CTNND2: variants seen among roughly 807,000 people sequenced by gnomAD.
CTNND2 encodes catenin delta 2.
CTNND2 carries 22 observed loss-of-function variants against 144.4 expected under a neutral mutation model. The ratio of observed to expected loss-of-function variants is 0.15; its 90% CI spans 0.11 to 0.22. The LOEUF is 0.22. CTNND2 is among the 10% of genes least tolerant of loss of function. CTNND2 has a pLI of 1.00. For missense variants in CTNND2, 1,353 were observed against 1,618.8 expected (o/e 0.84, Z 2.82); for synonymous variants, 751 against 695.6 (o/e 1.08, Z -1.25).
intron 15 of CTNND2, among the ~76,000 whole-genome samples, chr5:11,083,449 A>G (rs767733026): frequency 1.3e-5 from 2 of 152,242 alleles, no homozygotes; most frequent in Admixed American, 6.5e-5. Flanking sequence ...GTTAAACTGT[A>G]TAATGTTCAG....
chr5:11,730,678 T>C (rs185141584), intron 2 of CTNND2, among the ~76,000 whole-genome samples: 28 of 152,362 alleles, frequency 1.8e-4, no homozygotes, highest in Admixed American at 1.8e-3. Flanking sequence ...GCCTAAATTT[T>C]ATATCCTAAT....
chr5:11,638,540 T>C (rs1270423803), intron 2 of CTNND2, among the ~76,000 whole-genome samples: 1 of 152,180 alleles, frequency 6.6e-6, no homozygotes, highest in Non-Finnish European at 1.5e-5. Context: ...CGCACAAAAG[T>C]TGCTAAGTGC....
chr5:11,003,939 A>G (rs998864415), intron 18 of CTNND2, among the ~76,000 whole-genome samples: 7 of 152,212 alleles, frequency 4.6e-5, no homozygotes, highest in Admixed American at 2.0e-4. Context: ...CTTGTGCAAC[A>G]CCATCTTTTA....
At chr5:11,898,055 G>T (rs1423470990) in intron 1 of CTNND2, among the ~76,000 whole-genome samples, 1 of 152,194 alleles carries the variant, frequency 6.6e-6, no homozygotes, top group Non-Finnish European at 1.5e-5. Flanking sequence ...CTCAGAAAAA[G>T]CTCTGTCCCT....
chr5:11,497,251 G>T (rs929291347), intron 3 of CTNND2, among the ~76,000 whole-genome samples: 7 of 151,388 alleles, frequency 4.6e-5, no homozygotes, highest in South Asian at 2.1e-4. Context: ...ACCATACCAG[G>T]TATTTCCAAT....
intron 2 of CTNND2, among the ~76,000 whole-genome samples, chr5:11,662,165 ATGTG>A (rs1421935681): frequency 6.9e-6 from 1 of 145,476 alleles, no homozygotes; most frequent in Non-Finnish European, 1.5e-5. Context: ...ATGTGTATAT[ATGTG>A]TATATATACA....
intron 16 of CTNND2, among the ~76,000 whole-genome samples, chr5:11,053,601 T>C (rs560195660): frequency 6.6e-6 from 1 of 152,358 alleles, no homozygotes; most frequent in African/African-American, 2.4e-5. Flanking sequence ...TCATGGAAGA[T>C]ATATGTGCAT....
intron 14 of CTNND2, among the ~76,000 whole-genome samples, chr5:11,099,131 T>C (rs1751636835): frequency 6.6e-6 from 1 of 152,234 alleles, no homozygotes; most frequent in Non-Finnish European, 1.5e-5. Context: ...ATAGTAAGCA[T>C]ACTACCAGTG....
chr5:11,791,670 A>G (rs1386012487), intron 1 of CTNND2, among the ~76,000 whole-genome samples: 1 of 152,200 alleles, frequency 6.6e-6, no homozygotes. Context: ...TTAATCTCCA[A>G]TGTAATTTTG....
intron 2 of CTNND2, among the ~76,000 whole-genome samples, chr5:11,686,475 AATG>A (rs905183410): frequency 2.6e-5 from 4 of 152,110 alleles, no homozygotes; most frequent in African/African-American, 9.7e-5. Context: ...GTATAATAAC[AATG>A]ATAATACTAT....
intron 3 of CTNND2, among the ~76,000 whole-genome samples, chr5:11,543,963 A>G (rs1022247189): frequency 6.6e-6 from 1 of 152,212 alleles, no homozygotes; most frequent in African/African-American, 2.4e-5. Flanking sequence ...TGAATCCACA[A>G]TCGGAAATCT....
At chr5:11,247,411 GC>G (rs1424566152) in intron 9 of CTNND2, among the ~76,000 whole-genome samples, 1 of 152,180 alleles carries the variant, frequency 6.6e-6, no homozygotes, top group Admixed American at 6.5e-5. Flanking sequence ...GGGGGCCTGG[GC>G]CCACTACGCA....
chr5:11,900,625 C>T (rs1168257124), intron 1 of CTNND2, among the ~76,000 whole-genome samples: 1 of 152,130 alleles, frequency 6.6e-6, no homozygotes, highest in Non-Finnish European at 1.5e-5. Context: ...ATGAACTGTT[C>T]CTACTCAAAT....
In CTNND2 at chr5:11,419,731, T is replaced by A. The variant is rs556263405; in HGVS notation, c.288-7662A>T. ...ATCTCCAGGCCATTTCTAATAAAAATATATATATGAAAGTTCAAAGCATTT... is the reference window on the plus strand; with the variant it reads ...ATCTCCAGGCCATTTCTAATAAAAAAATATATATGAAAGTTCAAAGCATTT... On this transcript the variant is annotated intron_variant, in intron 3 of 21. Transcript: ENST00000304623. Among the ~76,000 whole-genome samples, 13 of 152,224 alleles carry A rather than the reference T, an allele frequency of 8.5e-5. No homozygotes were observed. The East Asian group carries it at 9.7e-4, about 11-fold the overall frequency.
At chr5:11,316,112 A>G (rs1158813677) in intron 9 of CTNND2, among the ~76,000 whole-genome samples, 2 of 152,252 alleles carry the variant, frequency 1.3e-5, no homozygotes, top group Non-Finnish European at 1.5e-5. Context: ...AAGAAAAAAC[A>G]AAAACAAAAA....
At chr5:11,472,405 C>T (rs144196347) in intron 3 of CTNND2, among the ~76,000 whole-genome samples, 12 of 152,194 alleles carry the variant, frequency 7.9e-5, no homozygotes, top group Admixed American at 4.6e-4. Flanking sequence ...AAAATATTTT[C>T]GTTTCACCCA....
chr5:11,840,055 C>T (rs1009648678), intron 1 of CTNND2, among the ~76,000 whole-genome samples: 1 of 151,884 alleles, frequency 6.6e-6, no homozygotes, highest in African/African-American at 2.4e-5. Flanking sequence ...AATCTTTTTT[C>T]ATTCTTAAAA....
chr5:11,776,294 T>A (rs1164429459), intron 1 of CTNND2, among the ~76,000 whole-genome samples: 1 of 152,090 alleles, frequency 6.6e-6, no homozygotes, highest in Non-Finnish European at 1.5e-5. Flanking sequence ...CATCAGCCAG[T>A]GAGTGAGACA....
intron 1 of CTNND2, among the ~76,000 whole-genome samples, chr5:11,831,014 TAA>T (rs982115911): frequency 3.3e-5 from 5 of 152,286 alleles, no homozygotes; most frequent in African/African-American, 1.2e-4. Flanking sequence ...GTGAAAATTA[TAA>T]GACAATAATG....
Sources: gnomAD v4.1 joint callset for allele counts (sites outside exome capture counted in the v4.1 genomes callset) on GRCh38, gnomAD v4.1.1 for gene constraint, MANE v1.5 for transcripts, NCBI Gene and HGNC (gene_info 2026-07-23, HGNC 2026-07-21) for gene names.